AREL1: variants seen among roughly 807,000 people sequenced by gnomAD.
The protein encoded by AREL1 is apoptosis resistant E3 ubiquitin protein ligase 1, also known as apoptosis-resistant E3 ubiquitin protein ligase 1.
AREL1 carries 62 observed loss-of-function variants against 99.0 expected under a neutral mutation model. The observed-to-expected ratio is 0.63, with a 90% CI of 0.51 to 0.77. The LOEUF is 0.77. Among genes scored for constraint, AREL1 ranks in the 30% least tolerant of loss-of-function variants. AREL1 has a pLI of 0.00. For missense variants in AREL1, 879 were observed against 1,027.6 expected (o/e 0.86, Z 1.98); for synonymous variants, 380 against 376.5 (o/e 1.01, Z -0.11).
chr14:74,696,536 A>G (rs1239028720), intron 1 of AREL1, among the ~76,000 whole-genome samples: 1 of 152,224 alleles, frequency 6.6e-6, no homozygotes, highest in Non-Finnish European at 1.5e-5. Flanking sequence ...CTCTACTTCT[A>G]AAGTGCTATT....
chr14:74,701,514 G>A (rs1245011264), intron 1 of AREL1, among the ~76,000 whole-genome samples: 1 of 152,180 alleles, frequency 6.6e-6, no homozygotes, highest in African/African-American at 2.4e-5. Context: ...AGAACAGTAT[G>A]TGGGAAACTG....
intron 1 of AREL1, among the ~76,000 whole-genome samples, chr14:74,695,930 T>C (rs981263394): frequency 2.6e-5 from 4 of 152,230 alleles, no homozygotes; most frequent in African/African-American, 9.6e-5. Context: ...CTCTAACAGG[T>C]TCACAGGTAA....
chr14:74,671,769 T>C (rs1566681537), intron 11 of AREL1, among the ~76,000 whole-genome samples: 1 of 152,244 alleles, frequency 6.6e-6, no homozygotes. Flanking sequence ...ATCCTTGTTT[T>C]AGCAATGAAA....
intron 7 of AREL1, 34 bp downstream of exon 7, chr14:74,676,107 A>G: frequency 6.3e-7 from 1 of 1,597,168 alleles, no homozygotes; most frequent in Non-Finnish European, 8.6e-7. Context: ...ACGGCTGAAG[A>G]ACAGCACTAA....
intron 1 of AREL1, among the ~76,000 whole-genome samples, chr14:74,705,871 T>A (rs879339541): frequency 2.6e-5 from 4 of 152,202 alleles, no homozygotes; most frequent in Admixed American, 2.6e-4. Flanking sequence ...TTGTTTGCCA[T>A]TCATTCTCAG....
rs2287399 is a variant in AREL1 at position 74,670,297 on chromosome 14, T to C, written c.1609-171A>G. Among the ~76,000 whole-genome samples, 1,220 of 152,308 alleles carry C rather than the reference T, an allele frequency of 8.0e-3. 25 individuals carry two copies. The East Asian group carries it at 0.082, about 10-fold the overall frequency. ...CCACCACTGAGTAATTCAAAGTGAC[T>C]AGAAGATAAAGGGCAAAGGTGGACA... On this transcript the variant is annotated intron_variant, in intron 13 of 19. Coordinates refer to ENST00000356357, the MANE Select transcript of AREL1 (RefSeq NM_001039479.2).
chr14:74,689,592 C>CTTTT (rs1057362002), intron 2 of AREL1, among the ~76,000 whole-genome samples: 14 of 98,532 alleles, frequency 1.4e-4, no homozygotes, highest in African/African-American at 3.0e-4. Flanking sequence ...TAGCACTTTT[C>CTTTT]TTTTTTTTTT....
chr14:74,699,357 G>A lies in AREL1; in HGVS notation c.-333-7029C>T, dbSNP rs969335760. Among the ~76,000 whole-genome samples, 10 of 137,390 alleles carry A rather than the reference G, an allele frequency of 7.3e-5. No homozygotes were observed. The South Asian group carries it at 1.5e-3, about 21-fold the overall frequency. The allele number at this position is 137,390 out of a possible 152,430, so 90.1% of individuals were successfully genotyped here. A position where few individuals can be genotyped will look rare whatever the true frequency, so the allele number is the denominator to read the frequency against. ...CTAAGTGACAGTGAGGGGTGTGTGTGTGTGTGTGTGTGTGTGTGTGAGAGA... is the reference window on the plus strand; with the variant it reads ...CTAAGTGACAGTGAGGGGTGTGTGTATGTGTGTGTGTGTGTGTGTGAGAGA... On this transcript the variant is annotated intron_variant, in intron 1 of 19. Coordinates refer to ENST00000356357, the MANE Select transcript of AREL1 (RefSeq NM_001039479.2).
chr14:74,675,821 T>C lies in AREL1; in HGVS notation c.958A>G (p.Thr320Ala). ...TPWHLPPMHM[T>A]SSQRRPSTAV... ...GTGGATGGCCGGCGCTGGGAAGAGG[T>C]CATGTGCATGGGTGGCAGGTGCCAT... The change falls in exon 8 of 20, where the codon ACC (threonine) becomes GCC (alanine). Residue 320 changes from threonine (T) to alanine (A), a missense_variant. Physicochemically the swap from Thr to Ala is moderately conservative, Grantham distance 58. Coordinates refer to ENST00000356357, the MANE Select transcript of AREL1 (RefSeq NM_001039479.2). The C allele has an allele frequency of 1.2e-6, 2 of 1,614,158 alleles. No homozygotes were observed. Among genetic ancestry groups the C allele is most frequent in the South Asian group, 1.1e-5 (1 of 91,078 alleles).
At chr14:74,665,210 CG>C (rs947966121) in intron 17 of AREL1, among the ~76,000 whole-genome samples, 2 of 151,628 alleles carry the variant, frequency 1.3e-5, no homozygotes, top group Non-Finnish European at 2.9e-5. Flanking sequence ...CTGAATCTCT[CG>C]GAACAGGTTA....
At chr14:74,668,855 G>A (rs1487670847) in intron 15 of AREL1, among the ~76,000 whole-genome samples, 1 of 152,056 alleles carries the variant, frequency 6.6e-6, no homozygotes, top group Admixed American at 6.6e-5. Flanking sequence ...AATATCTCTG[G>A]GCCATCATTT....
At chr14:74,707,870 T>C (rs1349576041) in intron 1 of AREL1, among the ~76,000 whole-genome samples, 1 of 103,466 alleles carries the variant, frequency 9.7e-6, no homozygotes, top group Non-Finnish European at 1.9e-5. Context: ...GGCGGGAGAA[T>C]GGCGTGAACC....
chr14:74,671,360 A>T, intron 12 of AREL1, 48 bp downstream of exon 12: 1 of 192,558 alleles, frequency 5.2e-6, no homozygotes, highest in Non-Finnish European at 1.0e-5. Context: ...AGAAGGTGCG[A>T]GTGGGGAGGA....
At chr14:74,712,037 GCAA>G (rs2090304601) in intron 1 of AREL1, 3 of 11,386 alleles carry the variant, frequency 2.6e-4, no homozygotes, top group Non-Finnish European at 3.4e-4. Flanking sequence ...AAGACAAAGT[GCAA>G]AAAAAAAAAA....
At chr14:74,691,561 C>A (rs948041151) in intron 2 of AREL1, among the ~76,000 whole-genome samples, 1 of 152,064 alleles carries the variant, frequency 6.6e-6, no homozygotes, top group African/African-American at 2.4e-5. Context: ...CTTTTTTAAT[C>A]TTTTGATATA....
At chr14:74,698,810 G>A (rs1052645691) in intron 1 of AREL1, 4 of 253,890 alleles carry the variant, frequency 1.6e-5, no homozygotes, top group Admixed American at 3.7e-5. Flanking sequence ...GATGGCTTGC[G>A]CCCAGGAGTT....
At chr14:74,696,929 A>C (rs1233673509) in intron 1 of AREL1, among the ~76,000 whole-genome samples, 1 of 152,182 alleles carries the variant, frequency 6.6e-6, no homozygotes, top group Non-Finnish European at 1.5e-5. Flanking sequence ...GCGCCACTGC[A>C]CTCCATCCTG....
At chr14:74,670,597 G>A (rs1224948373) in intron 13 of AREL1, 165 bp downstream of exon 13, 1 of 590,992 alleles carries the variant, frequency 1.7e-6, no homozygotes, top group African/African-American at 1.9e-5. Context: ...AAATAATAAA[G>A]GCAAAGAGGA....
At position 74,675,805 on chromosome 14, in the gene AREL1, C is replaced by A. The variant is rs1463904347; in HGVS notation, c.974G>T (p.Arg325Leu). Residue 325 changes from arginine (R) to leucine (L), a missense_variant, in exon 8 of 20, where the codon CGG becomes CTG. By Grantham distance (102) the Arg-to-Leu change is moderately radical (BLOSUM62 -2). Transcript: ENST00000356357. ...TTCCTCGTCAACAGCAGTGGATGGC[C>A]GGCGCTGGGAAGAGGTCATGTGCAT... is the stretch of plus-strand genomic sequence containing the variant. ...PPMHMTSSQR[R>L]PSTAVDEEDE... is the part of the protein sequence containing the mutation. 1 of 1,613,944 alleles carries A rather than the reference C, an allele frequency of 6.2e-7. No individual in the cohort carries two copies. The highest frequency in any genetic ancestry group is 2.2e-5 in the East Asian group (1 of 44,888).
Sources: allele counts gnomAD v4.1 joint callset (sites outside exome capture counted in the v4.1 genomes callset), GRCh38; gene constraint gnomAD v4.1.1; transcripts MANE v1.5; gene names NCBI Gene and HGNC (gene_info 2026-07-23, HGNC 2026-07-21).